INPP5D: variants seen among roughly 807,000 people sequenced by gnomAD.
INPP5D encodes phosphatidylinositol 3,4,5-trisphosphate 5-phosphatase 1.
A neutral mutation model predicts 122.9 loss-of-function variants in INPP5D; 33 were observed. That is an observed-to-expected ratio of 0.27 (90% CI 0.20 to 0.36). The LOEUF (loss-of-function observed/expected upper bound fraction) is 0.36. Among genes scored for constraint, INPP5D ranks in the 10% least tolerant of loss-of-function variants. INPP5D has a pLI of 1.00. For missense variants in INPP5D, 1,053 were observed against 1,412.7 expected (o/e 0.75, Z 4.08); for synonymous variants, 584 against 576.2 (o/e 1.01, Z -0.19).
At chr2:233,098,836 C>G (rs751957254) in intron 2 of INPP5D, among the ~76,000 whole-genome samples, 1 of 152,182 alleles carries the variant, frequency 6.6e-6, no homozygotes, top group African/African-American at 2.4e-5. Context: ...CACCAGGGGG[C>G]GCCCATTCAG....
chr2:233,090,451 C>T (rs563729599), intron 2 of INPP5D, among the ~76,000 whole-genome samples: 74 of 152,276 alleles, frequency 4.9e-4, no homozygotes, highest in African/African-American at 1.6e-3. Context: ...CCCATCTCCC[C>T]CCCATATTTA....
At chr2:233,143,926 G>A (rs938703478) in intron 6 of INPP5D, among the ~76,000 whole-genome samples, 8 of 151,714 alleles carry the variant, frequency 5.3e-5, no homozygotes, top group African/African-American at 7.3e-5. Context: ...GGTAGGAATG[G>A]TGAGGGTGGA....
At chr2:233,195,338 C>A (rs1203707362) in intron 23 of INPP5D, 61 bp from the exon 24 acceptor site, 6 of 1,611,686 alleles carry the variant, frequency 3.7e-6, no homozygotes, top group African/African-American at 2.7e-5. Context: ...CCTTTGCCAT[C>A]CCTCGCCTAA....
At chr2:233,124,476 G>A (rs1693094277) in intron 3 of INPP5D, among the ~76,000 whole-genome samples, 1 of 152,186 alleles carries the variant, frequency 6.6e-6, no homozygotes, top group Non-Finnish European at 1.5e-5. Flanking sequence ...GGCAGGCCCT[G>A]TCCCTTTTGG....
chr2:233,175,699 T>G (rs373653479), intron 17 of INPP5D, among the ~76,000 whole-genome samples: 10 of 151,898 alleles, frequency 6.6e-5, no homozygotes, highest in African/African-American at 2.4e-4. Context: ...TTTTTTTTTT[T>G]GAGATGGAGT....
intron 18 of INPP5D, among the ~76,000 whole-genome samples, chr2:233,179,652 G>A (rs1478682502): frequency 6.6e-6 from 1 of 152,180 alleles, no homozygotes; most frequent in East Asian, 1.9e-4. Context: ...TTTGGGAGGT[G>A]ACAGGAAGAT....
At chr2:233,168,102 AATTTG>A (rs1694397280) in intron 13 of INPP5D, among the ~76,000 whole-genome samples, 1 of 151,882 alleles carries the variant, frequency 6.6e-6, no homozygotes, top group Non-Finnish European at 1.5e-5. Flanking sequence ...AATAGATTAC[AATTTG>A]ATTTATTACA....
intron 23 of INPP5D, among the ~76,000 whole-genome samples, chr2:233,194,199 G>A (rs1408899513): frequency 6.6e-6 from 1 of 152,034 alleles, no homozygotes; most frequent in Non-Finnish European, 1.5e-5. Flanking sequence ...ATTTTTTAGG[G>A]CCCCGAACCT....
rs56101050 is a variant in INPP5D at position 233,070,442 on chromosome 2, GTTT to G, written c.135-8880_135-8878del. Among the ~76,000 whole-genome samples, 1,077 of 141,678 alleles carry G rather than the reference GTTT, an allele frequency of 7.6e-3. 11 individuals are homozygous for G. Among genetic ancestry groups the G allele is most frequent in the Middle Eastern group, 0.026 (7 of 266 alleles). The allele number at this position is 141,678 out of a possible 152,430, so 92.9% of individuals were successfully genotyped here. A position where few individuals can be genotyped will look rare whatever the true frequency, so the allele number is the denominator to read the frequency against. The stretch of plus-strand genomic sequence containing the variant: ...TAGACTTGGGCTAAGGATTCAGCAG[GTTT>G]TTTTTTTTTTTTCGAGATGGTGTCT... On this transcript the variant is annotated intron_variant, in intron 1 of 26. Transcript: ENST00000445964.
chr2:233,186,152 C>T (rs1694908951), intron 21 of INPP5D, among the ~76,000 whole-genome samples: 1 of 152,158 alleles, frequency 6.6e-6, no homozygotes, highest in Admixed American at 6.5e-5. Flanking sequence ...GTTTCAGTTC[C>T]CCTAAAGGAT....
At chr2:233,187,391 C>T (rs1466378846) in intron 21 of INPP5D, among the ~76,000 whole-genome samples, 2 of 152,096 alleles carry the variant, frequency 1.3e-5, no homozygotes, top group African/African-American at 2.4e-5. Flanking sequence ...GGAGGTGGGG[C>T]GTCTTGGAGG....
chr2:233,182,254 C>G (rs1341224279), intron 18 of INPP5D, among the ~76,000 whole-genome samples, 156 bp from the exon 19 acceptor site: 1 of 152,200 alleles, frequency 6.6e-6, no homozygotes, highest in East Asian at 1.9e-4. Flanking sequence ...TCCACTGAAC[C>G]CTTTAAGCAT....
At chr2:233,064,789 G>A (rs1221229946) in intron 1 of INPP5D, among the ~76,000 whole-genome samples, 2 of 152,352 alleles carry the variant, frequency 1.3e-5, no homozygotes, top group South Asian at 2.1e-4. Context: ...TTGGGAGGGC[G>A]AAACTCCTAA....
intron 2 of INPP5D, among the ~76,000 whole-genome samples, chr2:233,081,663 G>A (rs1691692660): frequency 1.3e-5 from 2 of 152,154 alleles, no homozygotes; most frequent in African/African-American, 2.4e-5. Flanking sequence ...ACAGAAACTC[G>A]CCTTGGCTGA....
At chr2:233,110,579 G>A (rs1397522824) in intron 2 of INPP5D, among the ~76,000 whole-genome samples, 2 of 152,154 alleles carry the variant, frequency 1.3e-5, no homozygotes, top group Non-Finnish European at 2.9e-5. Context: ...ACATGAGCTA[G>A]GTTACATAGG....
intron 9 of INPP5D, among the ~76,000 whole-genome samples, chr2:233,158,078 C>T (rs1212369042): frequency 6.6e-6 from 1 of 152,120 alleles, no homozygotes; most frequent in East Asian, 1.9e-4. Context: ...AAGACGATCA[C>T]GCTGTCTCTG....
chr2:233,097,158 G>A (rs1692166242), intron 2 of INPP5D, among the ~76,000 whole-genome samples: 1 of 152,034 alleles, frequency 6.6e-6, no homozygotes, highest in Admixed American at 6.6e-5. Context: ...TTCCCCCATA[G>A]TCCTAATCTG....
intron 2 of INPP5D, among the ~76,000 whole-genome samples, chr2:233,099,597 C>G (rs1455880909): frequency 1.3e-5 from 2 of 152,238 alleles, no homozygotes; most frequent in Non-Finnish European, 2.9e-5. Flanking sequence ...GATTAAAGAT[C>G]ACAATCTGGT....
chr2:233,114,441 G>A (rs1192941625), intron 2 of INPP5D, among the ~76,000 whole-genome samples: 2 of 152,230 alleles, frequency 1.3e-5, no homozygotes, highest in South Asian at 2.1e-4. Context: ...CCGGGAGGAG[G>A]TGGCCCCCAT....
Sources: allele counts gnomAD v4.1 joint callset (sites outside exome capture counted in the v4.1 genomes callset), GRCh38; gene constraint gnomAD v4.1.1; transcripts MANE v1.5; gene names NCBI Gene and HGNC (gene_info 2026-07-23, HGNC 2026-07-21).